The following HSD17B12 variants were observed in gnomAD, a reference collection of about 807,000 sequenced individuals.
HSD17B12 encodes hydroxysteroid 17-beta dehydrogenase 12.
A neutral mutation model predicts 39.3 loss-of-function variants in HSD17B12; 32 were observed. The observed-to-expected ratio is 0.81, with a 90% CI of 0.61 to 1.09. HSD17B12 has a LOEUF of 1.09. Ranked by LOEUF, HSD17B12 falls within the 50% of genes least tolerant of loss-of-function variation. The pLI, the probability that HSD17B12 is intolerant of heterozygous loss-of-function variation, is 0.00. For missense variants in HSD17B12, 342 were observed against 382.9 expected (o/e 0.89, Z 0.89); for synonymous variants, 150 against 146.7 (o/e 1.02, Z -0.16).
At chr11:43,795,770 C>G (rs7118906) in intron 3 of HSD17B12, among the ~76,000 whole-genome samples, 96,038 of 152,106 alleles carry the variant, frequency 0.63, 30,866 homozygotes, top group East Asian at 0.7. Flanking sequence ...CAAAACAGAA[C>G]CAAGTCCTTG....
At chr11:43,716,312 G>C (rs903534000) in intron 1 of HSD17B12, among the ~76,000 whole-genome samples, 1 of 152,140 alleles carries the variant, frequency 6.6e-6, no homozygotes, top group Non-Finnish European at 1.5e-5. Context: ...TAGGAATTTT[G>C]TTTGAAAGTT....
chr11:43,691,235 T>C (rs2134782345), intron 1 of HSD17B12, among the ~76,000 whole-genome samples: 1 of 152,326 alleles, frequency 6.6e-6, no homozygotes, highest in South Asian at 2.1e-4. Context: ...GTCAAGACAC[T>C]GTCCAGGTAA....
At chr11:43,836,030 T>C (rs1338752325) in intron 7 of HSD17B12, among the ~76,000 whole-genome samples, 2 of 152,218 alleles carry the variant, frequency 1.3e-5, no homozygotes, top group Admixed American at 1.3e-4. Context: ...AAAGTGCACT[T>C]GATAATGTTA....
At chr11:43,668,064 C>T in the HSD17B12 span, among the ~76,000 whole-genome samples, 10 of 152,170 alleles carry the variant, frequency 6.6e-5, no homozygotes, top group East Asian at 3.9e-4. Context: ...CACTTCCTTA[C>T]GGAACACACA....
At chr11:43,616,796 C>CT in the HSD17B12 span, among the ~76,000 whole-genome samples, 6 of 41,908 alleles carry the variant, frequency 1.4e-4, no homozygotes, top group African/African-American at 4.6e-4. Context: ...TGTGCCCAAA[C>CT]TAAAAAAAAA....
At chr11:43,829,245 C>G (rs1951283112) in intron 6 of HSD17B12, among the ~76,000 whole-genome samples, 1 of 152,098 alleles carries the variant, frequency 6.6e-6, no homozygotes, top group Non-Finnish European at 1.5e-5. Context: ...ATATTTCTGG[C>G]CTTTAATAGC....
chr11:43,765,510 G>A (rs998259331), intron 3 of HSD17B12, among the ~76,000 whole-genome samples: 4 of 147,790 alleles, frequency 2.7e-5, no homozygotes, highest in Non-Finnish European at 6.0e-5. Flanking sequence ...GCCTCTTCTT[G>A]TAGTTTCCCT....
intron 1 of HSD17B12, among the ~76,000 whole-genome samples, chr11:43,718,380 C>T (rs1950145445): frequency 6.6e-6 from 1 of 152,178 alleles, no homozygotes; most frequent in Non-Finnish European, 1.5e-5. Context: ...AGTATCTTTT[C>T]ATCCAACTAA....
At chr11:43,743,428 G>A (rs1950386292) in intron 1 of HSD17B12, among the ~76,000 whole-genome samples, 1 of 152,148 alleles carries the variant, frequency 6.6e-6, no homozygotes, top group Non-Finnish European at 1.5e-5. Flanking sequence ...AGTCCTCATA[G>A]TGGGGCCACC....
chr11:43,704,480 C>G (rs1474968344), intron 1 of HSD17B12, among the ~76,000 whole-genome samples: 1 of 152,152 alleles, frequency 6.6e-6, no homozygotes, highest in Non-Finnish European at 1.5e-5. Flanking sequence ...TCCACATGGT[C>G]TCCTCAGTAC....
At chr11:43,814,822 GTTTC>G (rs1951105853) in intron 4 of HSD17B12, among the ~76,000 whole-genome samples, 1 of 152,016 alleles carries the variant, frequency 6.6e-6, no homozygotes, top group African/African-American at 2.4e-5. Context: ...ATAATTGTTT[GTTTC>G]TTTCTTTTCC....
chr11:43,637,217 C>CTTTTTTT, the HSD17B12 span, among the ~76,000 whole-genome samples: 2 of 109,476 alleles, frequency 1.8e-5, no homozygotes, highest in Non-Finnish European at 3.6e-5. Context: ...GGTGTTTTTC[C>CTTTTTTT]TTTTTTTTTT....
chr11:43,684,266 A>C (rs1380353282), intron 1 of HSD17B12, among the ~76,000 whole-genome samples: 1 of 152,254 alleles, frequency 6.6e-6, no homozygotes, highest in African/African-American at 2.4e-5. Flanking sequence ...ATTTCTTAGG[A>C]GAACAAAAGG....
At chr11:43,587,934 G>A in the HSD17B12 span, among the ~76,000 whole-genome samples, 3 of 152,190 alleles carry the variant, frequency 2.0e-5, no homozygotes, top group African/African-American at 4.8e-5. Flanking sequence ...TTGGTAGACT[G>A]GCTGCTTCCA....
intron 10 of HSD17B12, 70 bp downstream of exon 10, chr11:43,854,934 A>G: frequency 6.9e-7 from 1 of 1,444,784 alleles, no homozygotes; most frequent in South Asian, 1.2e-5. Flanking sequence ...GAGTTACAGG[A>G]TAGTATGTAA....
intron 1 of HSD17B12, among the ~76,000 whole-genome samples, chr11:43,722,813 C>T (rs534316832): frequency 6.9e-6 from 1 of 145,276 alleles, no homozygotes; most frequent in South Asian, 2.3e-4. Flanking sequence ...CACACCATTG[C>T]ACTCCAGCCT....
At chr11:43,744,530 G>A (rs947584014) in intron 1 of HSD17B12, among the ~76,000 whole-genome samples, 7 of 152,066 alleles carry the variant, frequency 4.6e-5, no homozygotes, top group Non-Finnish European at 1.0e-4. Flanking sequence ...TTAGAAAATA[G>A]ACTTTTTACA....
At chr11:43,703,567 G>A (rs1375627820) in intron 1 of HSD17B12, among the ~76,000 whole-genome samples, 1 of 152,164 alleles carries the variant, frequency 6.6e-6, no homozygotes, top group African/African-American at 2.4e-5. Flanking sequence ...TTTAGTGGGA[G>A]ACTTTTTATT....
chr11:43,834,169 T>A (rs897309657), intron 7 of HSD17B12: 1 of 152,238 alleles, frequency 6.6e-6, no homozygotes, highest in East Asian at 1.9e-4. Flanking sequence ...CTGACCCCTA[T>A]GTTCTAAGAT....
Sources: allele counts gnomAD v4.1 joint callset (sites outside exome capture counted in the v4.1 genomes callset), GRCh38; gene constraint gnomAD v4.1.1; transcripts MANE v1.5; gene names NCBI Gene and HGNC (gene_info 2026-07-23, HGNC 2026-07-21).